Variants in KCNQ3 observed in about 807,000 individuals in gnomAD.
KCNQ3 encodes potassium voltage-gated channel subfamily KQT member 3.
KCNQ3 carries 30 observed loss-of-function variants against 92.5 expected under a neutral mutation model. The observed-to-expected ratio is 0.32, with a 90% CI of 0.24 to 0.44. The LOEUF (loss-of-function observed/expected upper bound fraction) is 0.44, where lower values mean the gene tolerates loss of function less well. KCNQ3 is among the 20% of genes least tolerant of loss of function. KCNQ3 has a pLI of 1.00. For missense variants in KCNQ3, 913 were observed against 1,140.3 expected, an observed-to-expected ratio of 0.80 and a Z score of 2.87; for synonymous variants, 450 against 468.8, an observed-to-expected ratio of 0.96 and a Z score of 0.52.
chr8:132,339,798 A>T (rs1248265830), intron 1 of KCNQ3, among the ~76,000 whole-genome samples: 1 of 152,128 alleles, frequency 6.6e-6, no homozygotes, highest in East Asian at 1.9e-4. Flanking sequence ...AGCTTCCCCC[A>T]TTCCCCAAAG....
intron 1 of KCNQ3, among the ~76,000 whole-genome samples, chr8:132,322,513 C>A (rs964909659): frequency 6.6e-5 from 10 of 152,166 alleles, no homozygotes; most frequent in African/African-American, 2.4e-4. Context: ...TGAAAAATAG[C>A]CCTCTGGTAT....
intron 1 of KCNQ3, among the ~76,000 whole-genome samples, chr8:132,203,638 T>G (rs1284347120): frequency 1.3e-5 from 2 of 152,232 alleles, no homozygotes; most frequent in African/African-American, 2.4e-5. Flanking sequence ...AAATTTTGAC[T>G]GCATTATTTA....
intron 1 of KCNQ3, among the ~76,000 whole-genome samples, chr8:132,200,610 A>G (rs1290919107): frequency 6.6e-6 from 1 of 152,214 alleles, no homozygotes; most frequent in Non-Finnish European, 1.5e-5. Context: ...AAATGATTAG[A>G]GGAATAAAAT....
intron 1 of KCNQ3, among the ~76,000 whole-genome samples, chr8:132,281,252 C>T (rs1227532040): frequency 6.6e-6 from 1 of 152,118 alleles, no homozygotes; most frequent in African/African-American, 2.4e-5. Context: ...GCTCTGTCTC[C>T]TGAAAACACA....
At chr8:132,456,266 C>T (rs1821935856) in intron 1 of KCNQ3, among the ~76,000 whole-genome samples, 2 of 152,144 alleles carry the variant, frequency 1.3e-5, no homozygotes, top group Admixed American at 6.5e-5. Context: ...GCTTCTGTAG[C>T]GACAAGTTGT....
chr8:132,253,124 T>C (rs2130446752), intron 1 of KCNQ3, among the ~76,000 whole-genome samples: 1 of 152,344 alleles, frequency 6.6e-6, no homozygotes, highest in Non-Finnish European at 1.5e-5. Context: ...CTTGGGCATA[T>C]ATTTATGGAA....
At position 132,193,347 on chromosome 8, in the gene KCNQ3, C is replaced by T. The variant is rs1272890869; in HGVS notation, c.387-7166G>A. On this transcript the variant is annotated intron_variant, in intron 1 of 14. Coordinates refer to ENST00000388996, the MANE Select transcript of KCNQ3 (RefSeq NM_004519.4). ...GTTGGGGAGGACAAAAGGGAACTGA[C>T]ACAAGGAAGCCTGCTTTGTAGCTGC... Among the ~76,000 whole-genome samples, 4 of 152,352 alleles carry T rather than the reference C, an allele frequency of 2.6e-5. No homozygotes were observed. The East Asian group carries it at 7.7e-4, about 29-fold the overall frequency.
chr8:132,392,496 T>C (rs1170880110), intron 1 of KCNQ3, among the ~76,000 whole-genome samples: 3 of 152,072 alleles, frequency 2.0e-5, no homozygotes, highest in Non-Finnish European at 4.4e-5. Flanking sequence ...TAGATGTTCT[T>C]ATTCCCCATG....
chr8:132,273,314 G>T (rs1251290818), intron 1 of KCNQ3, among the ~76,000 whole-genome samples: 1 of 152,226 alleles, frequency 6.6e-6, no homozygotes, highest in Non-Finnish European at 1.5e-5. Context: ...TGTGGAAGCT[G>T]CCAAGGCATG....
At chr8:132,348,637 A>C (rs564941431) in intron 1 of KCNQ3, among the ~76,000 whole-genome samples, 1 of 152,330 alleles carries the variant, frequency 6.6e-6, no homozygotes, top group African/African-American at 2.4e-5. Flanking sequence ...CATATTCCAC[A>C]GGTGCAGAGG....
chr8:132,270,611 T>C (rs549403285), intron 1 of KCNQ3, among the ~76,000 whole-genome samples: 16 of 152,348 alleles, frequency 1.1e-4, no homozygotes, highest in African/African-American at 3.6e-4. Context: ...TTCCTTTAAG[T>C]ATTATCTATG....
intron 1 of KCNQ3, among the ~76,000 whole-genome samples, chr8:132,314,308 G>A (rs568826153): frequency 2.0e-5 from 3 of 152,044 alleles, no homozygotes; most frequent in African/African-American, 4.8e-5. Flanking sequence ...TAAAAGTCCC[G>A]ACATTAAGTC....
At chr8:132,172,119 G>A (rs1826385398) in intron 7 of KCNQ3, among the ~76,000 whole-genome samples, 2 of 152,044 alleles carry the variant, frequency 1.3e-5, no homozygotes, top group African/African-American at 4.8e-5. Context: ...CCTGGGAGAT[G>A]GAGGCTGCAG....
rs564699869 is a variant in KCNQ3, at chr8:132,469,715, C to T, written c.386+10432G>A. 2.6e-5 allele frequency among the ~76,000 whole-genome samples: 4 copies of T among 152,046 alleles called. No homozygotes were observed. In the South Asian group the frequency reaches 6.2e-4, roughly 24 times the overall value. ...AGAAAAAAGGAGCAGGGACCCTGAT[C>T]GGTGGGAAAAACCATAGGATCACAA... On this transcript the variant is annotated intron_variant, in intron 1 of 14. Transcript: ENST00000388996.
intron 1 of KCNQ3, among the ~76,000 whole-genome samples, chr8:132,394,342 C>G (rs772218528): frequency 6.6e-6 from 1 of 152,184 alleles, no homozygotes; most frequent in African/African-American, 2.4e-5. Flanking sequence ...GGAATCAGAA[C>G]TGGGACCACT....
At chr8:132,424,404 T>C (rs983322200) in intron 1 of KCNQ3, among the ~76,000 whole-genome samples, 3 of 152,004 alleles carry the variant, frequency 2.0e-5, no homozygotes, top group Admixed American at 6.5e-5. Flanking sequence ...CATTTTGTAC[T>C]CCCATCCCCC....
At chr8:132,460,540 C>G (rs1159472279) in intron 1 of KCNQ3, among the ~76,000 whole-genome samples, 2 of 152,126 alleles carry the variant, frequency 1.3e-5, no homozygotes, top group Non-Finnish European at 2.9e-5. Flanking sequence ...GACCCACACC[C>G]CATGGGAAAC....
At chr8:132,449,229 T>C (rs58613338) in intron 1 of KCNQ3, among the ~76,000 whole-genome samples, 13,473 of 152,194 alleles carry the variant, frequency 0.089, 810 homozygotes, top group African/African-American at 0.16. Flanking sequence ...ATGTGTCTTG[T>C]AAAGACCATG....
intron 1 of KCNQ3, among the ~76,000 whole-genome samples, chr8:132,431,932 A>G (rs1047706558): frequency 6.6e-6 from 1 of 152,158 alleles, no homozygotes; most frequent in Admixed American, 6.5e-5. Flanking sequence ...CCTCATTGAT[A>G]AAACCTAACT....
Sources: allele counts gnomAD v4.1 joint callset (sites outside exome capture counted in the v4.1 genomes callset), GRCh38; gene constraint gnomAD v4.1.1; transcripts MANE v1.5; gene names NCBI Gene and HGNC (gene_info 2026-07-23, HGNC 2026-07-21).